Variants in KLF12 observed in about 807,000 individuals in gnomAD.
KLF12 encodes the protein KLF transcription factor 12, also known as Krueppel-like factor 12.
A neutral mutation model predicts 37.8 loss-of-function variants in KLF12; 9 were observed. That is an observed-to-expected ratio of 0.24 (90% CI 0.14 to 0.42). The LOEUF is 0.42. Among genes scored for constraint, KLF12 ranks in the 10% least tolerant of loss-of-function variants. KLF12 has a pLI of 1.00. For missense variants in KLF12, 411 were observed against 516.0 expected, an observed-to-expected ratio of 0.80 and a Z score of 1.97; for synonymous variants, 208 against 202.1, an observed-to-expected ratio of 1.03 and a Z score of -0.25.
rs371638222 is a variant in KLF12, at chr13:74,068,504, A to C, written c.-32+65235T>G. Among the ~76,000 whole-genome samples the C allele has an allele frequency of 3.3e-5, 5 of 152,230 alleles. No individual in the cohort carries two copies. In the East Asian group the frequency reaches 5.8e-4, roughly 18 times the overall value. On this transcript the variant is annotated intron_variant, in intron 1 of 7. Transcript: ENST00000377669. ...GGAAGAAAGTGTGGATCCTACATCC[A>C]AAGATTGATAGAAGATGTATTTTTT...
intron 2 of KLF12, 79 bp downstream of exon 2, chr13:73,994,906 GTACTC>G: frequency 1.2e-6 from 1 of 856,678 alleles, no homozygotes; most frequent in South Asian, 1.4e-5. Flanking sequence ...ACACAAGAAG[GTACTC>G]TAATGAGAAT....
chr13:73,805,488 A>G (rs1882515430), intron 5 of KLF12, among the ~76,000 whole-genome samples: 1 of 151,740 alleles, frequency 6.6e-6, no homozygotes, highest in South Asian at 2.1e-4. Context: ...CTCACGGCAC[A>G]CACTTGTAGT....
At chr13:73,772,107 C>A (rs1371170788) in intron 5 of KLF12, among the ~76,000 whole-genome samples, 1 of 152,162 alleles carries the variant, frequency 6.6e-6, no homozygotes, top group Non-Finnish European at 1.5e-5. Flanking sequence ...AGCTGTGCAG[C>A]CACATCAGCC....
At position 74,004,687 on chromosome 13, in the gene KLF12, A is replaced by G. The variant is rs149952808; in HGVS notation, c.-31-9634T>C. ...TGACATAAACTCAGATGCTTTTCCA[A>G]TGAAGGAAAAGAAAAACATATTCCA... On this transcript the variant is annotated intron_variant, in intron 1 of 7. Coordinates refer to ENST00000377669, the MANE Select transcript of KLF12 (RefSeq NM_007249.5). 2.6e-4 allele frequency among the ~76,000 whole-genome samples: 40 copies of G among 152,330 alleles called. No individual in the cohort carries two copies. The East Asian group carries it at 7.5e-3, about 29-fold the overall frequency.
intron 2 of KLF12, among the ~76,000 whole-genome samples, chr13:73,946,104 C>T (rs971466639): frequency 1.7e-4 from 26 of 152,134 alleles, no homozygotes; most frequent in African/African-American, 6.3e-4. Flanking sequence ...AGGAATCCAC[C>T]TTAACAAAGC....
At chr13:73,838,822 G>C (rs144145565) in intron 4 of KLF12, among the ~76,000 whole-genome samples, 1 of 152,252 alleles carries the variant, frequency 6.6e-6, no homozygotes, top group African/African-American at 2.4e-5. Flanking sequence ...TGTAGCAAAA[G>C]GGGAGAAATA....
At chr13:73,837,295 C>A (rs143969895) in intron 4 of KLF12, among the ~76,000 whole-genome samples, 2 of 152,140 alleles carry the variant, frequency 1.3e-5, no homozygotes, top group Non-Finnish European at 2.9e-5. Flanking sequence ...CTCCTCCCTG[C>A]GCCAGTTATT....
intron 2 of KLF12, among the ~76,000 whole-genome samples, chr13:73,952,073 T>A (rs534213470): frequency 2.0e-5 from 3 of 152,214 alleles, no homozygotes; most frequent in African/African-American, 7.2e-5. Context: ...ATTCCCCATA[T>A]TGGTGAACAA....
At chr13:74,234,095 G>T in the KLF12 span, among the ~76,000 whole-genome samples, 2 of 152,286 alleles carry the variant, frequency 1.3e-5, no homozygotes, top group African/African-American at 4.8e-5. Flanking sequence ...CAGGTAGGGA[G>T]GGGATAGATG....
intron 1 of KLF12, among the ~76,000 whole-genome samples, chr13:74,089,105 C>T (rs1192760653): frequency 6.6e-6 from 1 of 152,116 alleles, no homozygotes; most frequent in Non-Finnish European, 1.5e-5. Flanking sequence ...AGCTTAACCT[C>T]CATGAAGTTT....
At chr13:74,146,029 T>A in the KLF12 span, among the ~76,000 whole-genome samples, 2 of 152,314 alleles carry the variant, frequency 1.3e-5, no homozygotes, top group East Asian at 3.9e-4. Flanking sequence ...ATTGCTATAA[T>A]TACCTTGGAA....
intron 6 of KLF12, among the ~76,000 whole-genome samples, chr13:73,721,560 G>A (rs904764995): frequency 6.6e-6 from 1 of 152,008 alleles, no homozygotes; most frequent in Non-Finnish European, 1.5e-5. Context: ...CTTTCATCTT[G>A]TTTTTAAAAA....
intron 5 of KLF12, among the ~76,000 whole-genome samples, chr13:73,769,180 C>T (rs916952699): frequency 6.6e-6 from 1 of 152,164 alleles, no homozygotes; most frequent in Non-Finnish European, 1.5e-5. Context: ...ATGTACAACA[C>T]ATGTAAATTT....
At chr13:73,966,510 GT>G (rs1370940720) in intron 2 of KLF12, among the ~76,000 whole-genome samples, 1 of 152,212 alleles carries the variant, frequency 6.6e-6, no homozygotes, top group Non-Finnish European at 1.5e-5. Flanking sequence ...TGAAATCTCT[GT>G]TCCTTGGGGA....
chr13:74,301,350 G>A, the KLF12 span, among the ~76,000 whole-genome samples: 1 of 151,994 alleles, frequency 6.6e-6, no homozygotes, highest in South Asian at 2.1e-4. Flanking sequence ...AATAAGTCAG[G>A]GCCATAATTT....
At position 73,779,374 on chromosome 13, in the gene KLF12, T is replaced by C. The variant is rs11838995; in HGVS notation, c.807-14374A>G. 7.9e-4 allele frequency among the ~76,000 whole-genome samples: 121 copies of C among 152,238 alleles called. 1 individual carries two copies. The highest frequency in any genetic ancestry group is 2.9e-3 in the African/African-American group (120 of 41,532). ...CAATCACCAGTGGCCAATGATTTGA[T>C]CCCTCATGCCTATGGAATGAAACCT... On this transcript the variant is annotated intron_variant, in intron 5 of 7. Transcript: ENST00000377669.
At chr13:73,744,465 T>A (rs2137915374) in intron 6 of KLF12, among the ~76,000 whole-genome samples, 1 of 152,038 alleles carries the variant, frequency 6.6e-6, no homozygotes, top group East Asian at 1.9e-4. Flanking sequence ...TAGGCCTTTA[T>A]AAACCCTTTA....
chr13:73,896,877 G>A lies in KLF12; in HGVS notation c.123+47104C>T, dbSNP rs145026849. On this transcript the variant is annotated intron_variant, in intron 3 of 7. Transcript: ENST00000377669. ...AATGATAGAGATGAGTATTTGGAAC[G>A]TTGAAGACTTTCCTTTTATTAGTTC... Among the ~76,000 whole-genome samples the A allele has an allele frequency of 8.6e-3, 1,307 of 152,178 alleles. 23 individuals carry two copies. Among genetic ancestry groups the A allele is most frequent in the African/African-American group, 0.029 (1,221 of 41,542 alleles).
the KLF12 span, among the ~76,000 whole-genome samples, chr13:74,155,174 A>G: frequency 6.6e-6 from 1 of 152,166 alleles, no homozygotes; most frequent in Non-Finnish European, 1.5e-5. Context: ...GAATTAGTTC[A>G]TGGTGCAAGT....
Sources: gnomAD v4.1 joint callset for allele counts (sites outside exome capture counted in the v4.1 genomes callset) on GRCh38, gnomAD v4.1.1 for gene constraint, MANE v1.5 for transcripts, NCBI Gene and HGNC (gene_info 2026-07-23, HGNC 2026-07-21) for gene names.